CDH13: variants seen among roughly 807,000 people sequenced by gnomAD.
The protein encoded by CDH13 is cadherin-13.
In CDH13, 24 loss-of-function variants were observed where a neutral mutation model predicts 63.8. The observed-to-expected ratio is 0.38, with a 90% confidence interval of 0.27 to 0.53. CDH13 has a LOEUF of 0.53. Ranked by LOEUF, CDH13 falls within the 20% of genes least tolerant of loss-of-function variation. The pLI, the probability that CDH13 is intolerant of heterozygous loss-of-function variation, is 0.85. For missense variants in CDH13, 1,049 were observed against 903.1 expected (o/e 1.16, Z -2.07); for synonymous variants, 503 against 355.3 (o/e 1.42, Z -4.67).
At chr16:83,246,240 T>C (rs1184973477) in intron 5 of CDH13, among the ~76,000 whole-genome samples, 1 of 152,206 alleles carries the variant, frequency 6.6e-6, no homozygotes, top group Non-Finnish European at 1.5e-5. Flanking sequence ...AGAGGGAGCT[T>C]TAAAAATTCA....
intron 8 of CDH13, among the ~76,000 whole-genome samples, chr16:83,651,305 C>A (rs1266588614): frequency 6.6e-6 from 1 of 152,104 alleles, no homozygotes; most frequent in Non-Finnish European, 1.5e-5. Context: ...TTCAGTGCAA[C>A]AAACATCGTT....
chr16:83,611,764 T>G (rs1319323974), intron 8 of CDH13, among the ~76,000 whole-genome samples: 1 of 152,078 alleles, frequency 6.6e-6, no homozygotes, highest in African/African-American at 2.4e-5. Flanking sequence ...TTTTCTTGGG[T>G]CCCTTTTGTG....
At chr16:83,010,162 A>AAAAAAAAAAC (rs1913995847) in intron 2 of CDH13, among the ~76,000 whole-genome samples, 1 of 141,862 alleles carries the variant, frequency 7.0e-6, no homozygotes. Context: ...AAAAAAAAAA[A>AAAAAAAAAAC]CAAGAATGGC....
At position 82,668,589 on chromosome 16, in the gene CDH13, A is replaced by G. The variant is rs532360332; in HGVS notation, c.45+41452A>G. 1.1e-4 allele frequency among the ~76,000 whole-genome samples: 16 copies of G among 152,320 alleles called. No homozygotes were observed. The South Asian group carries it at 2.7e-3, about 26-fold the overall frequency. On this transcript the variant is annotated intron_variant, in intron 1 of 13. Transcript: ENST00000567109. ...TTTAGCATCACCTGAGATGGTGTGA[A>G]CAATGATAAGAGTTTGAGGCCCTGT...
At chr16:83,718,610 C>T (rs957171452) in intron 10 of CDH13, among the ~76,000 whole-genome samples, 9 of 151,970 alleles carry the variant, frequency 5.9e-5, no homozygotes, top group Non-Finnish European at 1.3e-4. Flanking sequence ...ATCGAGGTGC[C>T]GGTGGGTGTG....
intron 5 of CDH13, among the ~76,000 whole-genome samples, chr16:83,333,674 G>A (rs1466384139): frequency 1.3e-5 from 2 of 152,108 alleles, no homozygotes; most frequent in African/African-American, 2.4e-5. Context: ...CAATAAAACC[G>A]AGAGTGGTAT....
chr16:83,613,988 C>T (rs987469974), intron 8 of CDH13, among the ~76,000 whole-genome samples: 3 of 152,054 alleles, frequency 2.0e-5, no homozygotes, highest in Non-Finnish European at 4.4e-5. Flanking sequence ...TCAATGTCTG[C>T]TAACTCCAGC....
chr16:82,988,318 G>A (rs537779645), intron 2 of CDH13, among the ~76,000 whole-genome samples: 1 of 152,260 alleles, frequency 6.6e-6, no homozygotes, highest in African/African-American at 2.4e-5. Flanking sequence ...TTGAGGGAAT[G>A]TTTTTTGTTT....
At chr16:82,799,913 G>A (rs767864887) in intron 1 of CDH13, among the ~76,000 whole-genome samples, 40 of 152,232 alleles carry the variant, frequency 2.6e-4, no homozygotes, top group African/African-American at 8.9e-4. Flanking sequence ...ATTGGACAAC[G>A]TATTGACTCC....
At chr16:83,499,938 G>A (rs1253256544) in intron 7 of CDH13, among the ~76,000 whole-genome samples, 1 of 152,172 alleles carries the variant, frequency 6.6e-6, no homozygotes, top group Non-Finnish European at 1.5e-5. Context: ...AAGTAGCTGG[G>A]ATTACAGGCG....
chr16:83,725,002 C>G (rs998949942), intron 10 of CDH13, among the ~76,000 whole-genome samples: 5 of 152,126 alleles, frequency 3.3e-5, no homozygotes, highest in African/African-American at 4.8e-5. Flanking sequence ...ACAGTCACCA[C>G]GACACATATG....
chr16:83,427,056 A>G (rs28371810), intron 6 of CDH13, among the ~76,000 whole-genome samples: 63,674 of 150,446 alleles, frequency 0.42, 13,660 homozygotes, highest in South Asian at 0.53. Context: ...CCTCCCAGGT[A>G]GCTGGTACTA....
chr16:82,634,110 G>A (rs781286423), intron 1 of CDH13, among the ~76,000 whole-genome samples: 1 of 152,204 alleles, frequency 6.6e-6, no homozygotes, highest in African/African-American at 2.4e-5. Flanking sequence ...CTAGCTGAAC[G>A]CAGCCCGGGC....
chr16:82,863,306 G>C lies in CDH13; in HGVS notation c.157+4833G>C, dbSNP rs116208964. On this transcript the variant is annotated intron_variant, in intron 2 of 13. Coordinates refer to ENST00000567109, the MANE Select transcript of CDH13 (RefSeq NM_001257.5). ...TCCTTAGTAGAGAAATATTCCCACT[G>C]AACAGAATTAGCTTCTTAGAAACAC... 7.9e-3 allele frequency among the ~76,000 whole-genome samples: 1,205 copies of C among 152,274 alleles called. 10 individuals are homozygous for C. The highest frequency in any genetic ancestry group is 0.028 in the African/African-American group (1,162 of 41,548).
intron 5 of CDH13, among the ~76,000 whole-genome samples, chr16:83,341,540 G>A (rs2090722497): frequency 6.6e-6 from 1 of 152,140 alleles, no homozygotes; most frequent in South Asian, 2.1e-4. Flanking sequence ...ATGAACCTCT[G>A]CATAAAACAC....
chr16:82,786,970 C>T (rs148574064), intron 1 of CDH13, among the ~76,000 whole-genome samples: 1 of 152,244 alleles, frequency 6.6e-6, no homozygotes, highest in African/African-American at 2.4e-5. Flanking sequence ...GCTTCAAACG[C>T]TTCTAAATTA....
At chr16:82,914,291 G>A (rs1007720364) in intron 2 of CDH13, among the ~76,000 whole-genome samples, 1 of 152,178 alleles carries the variant, frequency 6.6e-6, no homozygotes. Context: ...AGTCCTAACT[G>A]TGTGTCCTAT....
intron 5 of CDH13, among the ~76,000 whole-genome samples, chr16:83,222,997 C>G (rs2039741412): frequency 6.6e-6 from 1 of 152,030 alleles, no homozygotes; most frequent in Non-Finnish European, 1.5e-5. Context: ...CCACCACCCC[C>G]CACCCACACA....
intron 2 of CDH13, among the ~76,000 whole-genome samples, chr16:82,959,554 G>A (rs1185470542): frequency 2.0e-5 from 3 of 152,082 alleles, no homozygotes; most frequent in Admixed American, 6.5e-5. Context: ...GATCTCTCCA[G>A]CCATTTTCTG....
Sources: allele counts gnomAD v4.1 joint callset (sites outside exome capture counted in the v4.1 genomes callset), GRCh38; gene constraint gnomAD v4.1.1; transcripts MANE v1.5; gene names NCBI Gene and HGNC (gene_info 2026-07-23, HGNC 2026-07-21).